The following RMDN1 variants were observed in gnomAD, a reference collection of about 807,000 sequenced individuals.
RMDN1 encodes regulator of microtubule dynamics 1, also known as regulator of microtubule dynamics protein 1.
RMDN1 carries 48 observed loss-of-function variants against 48.9 expected under a neutral mutation model. That is an observed-to-expected ratio of 0.98 (90% CI 0.78 to 1.25). RMDN1 has a LOEUF of 1.25. Ranked by LOEUF, RMDN1 falls within the 50% of genes most tolerant of loss-of-function variation. RMDN1 has a pLI of 0.00. For missense variants in RMDN1, 418 were observed against 373.4 expected (o/e 1.12, Z -0.98); for synonymous variants, 148 against 132.6 (o/e 1.12, Z -0.80).
intron 3 of RMDN1, among the ~76,000 whole-genome samples, chr8:86,487,843 T>C (rs978452906): frequency 2.0e-5 from 3 of 152,146 alleles, no homozygotes; most frequent in African/African-American, 4.8e-5. Flanking sequence ...ATCAATCCTG[T>C]AGATATTTAG....
At chr8:86,509,273 G>T (rs910396604), upstream of RMDN1, among the ~76,000 whole-genome samples, 16 of 152,060 alleles carry the variant, frequency 1.1e-4, no homozygotes, top group Admixed American at 9.2e-4. Context: ...GAATGCTAGG[G>T]CATGTGTAGT....
At chr8:86,511,226 G>A (rs936535396), upstream of RMDN1, among the ~76,000 whole-genome samples, 9 of 151,934 alleles carry the variant, frequency 5.9e-5, no homozygotes, top group African/African-American at 1.9e-4. Context: ...TGTAATCCCA[G>A]CACTTTGGGA....
chr8:86,491,238 G>A (rs111743251), intron 2 of RMDN1, among the ~76,000 whole-genome samples: 11 of 151,936 alleles, frequency 7.2e-5, no homozygotes, highest in African/African-American at 1.7e-4. Flanking sequence ...AAGTTCAAGC[G>A]ATTCTCCTGC....
chr8:86,487,283 C>T (rs915747238), intron 3 of RMDN1, among the ~76,000 whole-genome samples: 1 of 152,166 alleles, frequency 6.6e-6, no homozygotes, highest in African/African-American at 2.4e-5. Flanking sequence ...AAATTATTAA[C>T]CACCACAACT....
At chr8:86,468,359 A>G, downstream of RMDN1, 1 of 453,606 alleles carries the variant, frequency 2.2e-6, no homozygotes, top group South Asian at 1.6e-5. Context: ...AAAGGCAGAG[A>G]TCTGCTTGGT....
Position 86,472,351 on chromosome 8 carries a change from C to T in RMDN1, c.*1957G>A, listed in dbSNP as rs1221968731. On this transcript the variant is annotated 3_prime_UTR_variant, in exon 10 of 10. Transcript: ENST00000406452. ...CACATAACAGGTCACAGTCAAAATG[C>T]AGGTGCACAACACAGTTTATTCGGT... 3 of 682,406 alleles carry T rather than the reference C, an allele frequency of 4.4e-6. No individual in the cohort carries two copies. Among genetic ancestry groups the T allele is most frequent in the Non-Finnish European group, 8.0e-6 (3 of 376,936 alleles). The allele number at this position is 682,406 out of a possible 1,614,324, so 42.3% of individuals were successfully genotyped here.
upstream of RMDN1, among the ~76,000 whole-genome samples, chr8:86,511,808 CTG>C (rs1563677928): frequency 1.2e-5 from 1 of 86,234 alleles, no homozygotes; most frequent in Non-Finnish European, 2.3e-5. Flanking sequence ...CAGCAAGAAC[CTG>C]TCTCTCAAAA....
chr8:86,487,622 C>CT (rs901173874), intron 3 of RMDN1, among the ~76,000 whole-genome samples: 4 of 151,676 alleles, frequency 2.6e-5, no homozygotes, highest in African/African-American at 9.7e-5. Context: ...ATAATAAATT[C>CT]TTTTTTATTA....
At chr8:86,488,995 T>C (rs1324684535) in intron 2 of RMDN1, among the ~76,000 whole-genome samples, 1 of 152,210 alleles carries the variant, frequency 6.6e-6, no homozygotes, top group Non-Finnish European at 1.5e-5. Flanking sequence ...TACTTATCTG[T>C]GTTGGGCCAG....
At chr8:86,496,785 G>A (rs1817427979) in intron 2 of RMDN1, among the ~76,000 whole-genome samples, 1 of 151,978 alleles carries the variant, frequency 6.6e-6, no homozygotes, top group South Asian at 2.1e-4. Flanking sequence ...ACAATCAAAT[G>A]GACATTAACA....
At chr8:86,468,426 A>G (rs1812285265), downstream of RMDN1, 1 of 436,888 alleles carries the variant, frequency 2.3e-6, no homozygotes, top group South Asian at 1.7e-5. Context: ...TTTCAAGCCT[A>G]AAGAATTAAA....
chr8:86,502,169 T>C (rs1364576091), intron 2 of RMDN1, among the ~76,000 whole-genome samples: 1 of 152,264 alleles, frequency 6.6e-6, no homozygotes, highest in African/African-American at 2.4e-5. Context: ...CATTAATTTC[T>C]TCATATGATA....
Position 86,491,369 on chromosome 8 carries a change from C to T in RMDN1, c.248-2730G>A, listed in dbSNP as rs118071370. 3.3e-3 allele frequency among the ~76,000 whole-genome samples: 501 copies of T among 152,122 alleles called. 14 individuals carry two copies. In the East Asian group the frequency reaches 0.045, roughly 14 times the overall value. On this transcript the variant is annotated intron_variant, in intron 2 of 9. Coordinates refer to ENST00000406452, the MANE Select transcript of RMDN1 (RefSeq NM_016033.3). ...CAGGATGGCTTTGATGTCTTGACCT[C>T]GTGGTCTGCACTGCAAAAAATCAGT...
Position 86,508,583 on chromosome 8 carries a change from A to C in RMDN1, c.38T>G (p.Phe13Cys), listed in dbSNP as rs374985237. 1.1e-5 allele frequency: 17 copies of C among 1,604,704 alleles called. No homozygotes were observed. Among genetic ancestry groups the C allele is most frequent in the East Asian group, 2.2e-5 (1 of 44,590 alleles). ...LAARLWRLLP[F>C]RRGAAPGSRL... ...AGACCCCGGGGCGGCTCCACGTCGG[A>C]AAGGCAGAAGGCGCCACAGTCGAGC... Residue 13 changes from phenylalanine to cysteine, a missense_variant, in exon 1 of 10, where the codon TTC (phenylalanine) becomes TGC (cysteine). Coordinates refer to ENST00000406452, the MANE Select transcript of RMDN1 (RefSeq NM_016033.3).
rs368931753 is a variant in RMDN1 at position 86,503,394 on chromosome 8, A to ACAAAAC, written c.247+3600_247+3601insGTTTTG. Among the ~76,000 whole-genome samples the ACAAAAC allele has an allele frequency of 4.5e-4, 59 of 131,578 alleles. 4 individuals carry two copies. The highest frequency in any genetic ancestry group is 4.2e-4 in the Non-Finnish European group (26 of 62,466). The allele number at this position is 131,578 out of a possible 152,430, so 86.3% of individuals were successfully genotyped here. ...AACAAAAAAAAAAAAAAAAAACAAA[A>ACAAAAC]AAAAATAACAAAAATAACTTGAGAG... On this transcript the variant is annotated intron_variant, in intron 2 of 9. Transcript: ENST00000406452.
chr8:86,508,073 G>T (rs952828098), intron 1 of RMDN1: 2 of 165,194 alleles, frequency 1.2e-5, no homozygotes, highest in Non-Finnish European at 2.6e-5. Context: ...TAAACAGTAT[G>T]AAATCTCTGC....
In RMDN1 at chr8:86,474,846, G is replaced by A. The variant is rs767397231; in HGVS notation, c.868C>T (p.Pro290Ser). The change falls in exon 9 of 10, where the codon CCA becomes TCA. Residue 290 changes from proline to serine, a missense_variant. Coordinates refer to ENST00000406452, the MANE Select transcript of RMDN1 (RefSeq NM_016033.3). ...AFWLMKAKDY[P>S]AHTEEDKQIQ... is the part of the protein sequence containing the mutation. ...TGTTTATCCTCCTCTGTGTGTGCTG[G>A]ATAGTCCTTGGCTTTCATTAGCCAG... 4.3e-6 allele frequency: 7 copies of A among 1,612,608 alleles called. No homozygotes were observed. In the Admixed American group the frequency reaches 1.0e-4, roughly 23 times the overall value.
chr8:86,486,849 T>C (rs1173129603), intron 3 of RMDN1, among the ~76,000 whole-genome samples: 2 of 152,202 alleles, frequency 1.3e-5, no homozygotes, highest in Non-Finnish European at 2.9e-5. Flanking sequence ...ATGTCTAATA[T>C]CCATAAATAT....
chr8:86,471,860 G>A (rs1812608344), downstream of RMDN1, among the ~76,000 whole-genome samples: 1 of 152,178 alleles, frequency 6.6e-6, no homozygotes, highest in African/African-American at 2.4e-5. Flanking sequence ...AACCGGACTG[G>A]CCTATTCAAA....
Sources: allele counts gnomAD v4.1 joint callset (sites outside exome capture counted in the v4.1 genomes callset), GRCh38; gene constraint gnomAD v4.1.1; transcripts MANE v1.5; gene names NCBI Gene and HGNC (gene_info 2026-07-23, HGNC 2026-07-21).